Variants in POLQ observed in about 807,000 individuals in gnomAD.
POLQ encodes the protein epididymis secretory sperm binding protein.
In POLQ, 233 loss-of-function variants were observed where a neutral mutation model predicts 259.2. The ratio of observed to expected loss-of-function variants is 0.90; its 90% CI spans 0.81 to 1.00. The LOEUF (loss-of-function observed/expected upper bound fraction) is 1.00, where lower values mean the gene tolerates loss of function less well. Among genes scored for constraint, POLQ ranks in the 50% least tolerant of loss-of-function variants. The pLI is 0.00. For missense variants in POLQ, 2,871 were observed against 3,051.6 expected, an observed-to-expected ratio of 0.94 and a Z score of 1.39; for synonymous variants, 1,025 against 1,048.8, an observed-to-expected ratio of 0.98 and a Z score of 0.44.
chr3:121,513,881 G>T (rs2048274945), intron 9 of POLQ, among the ~76,000 whole-genome samples: 1 of 151,450 alleles, frequency 6.6e-6, no homozygotes, highest in South Asian at 2.1e-4. Flanking sequence ...AATTAGCCAG[G>T]CATGATGGCA....
chr3:121,542,917 G>A (rs1256637013), intron 2 of POLQ, among the ~76,000 whole-genome samples: 2 of 152,024 alleles, frequency 1.3e-5, no homozygotes, highest in African/African-American at 4.8e-5. Flanking sequence ...AACCCGGGAG[G>A]CAGAGGTTGC....
chr3:121,505,058 G>A (rs546996245), intron 12 of POLQ, among the ~76,000 whole-genome samples: 2 of 152,264 alleles, frequency 1.3e-5, no homozygotes, highest in East Asian at 1.9e-4. Context: ...CATGAAGACC[G>A]TTTCTTATGG....
chr3:121,463,350 T>A (rs1248105749), intron 24 of POLQ, among the ~76,000 whole-genome samples: 1 of 152,174 alleles, frequency 6.6e-6, no homozygotes, highest in Non-Finnish European at 1.5e-5. Context: ...TTGTGAGGCC[T>A]CCCCAGCAAT....
At position 121,476,698 on chromosome 3, in the gene POLQ, A is replaced by T. The variant is rs371367254; in HGVS notation, c.6247T>A (p.Cys2083Ser). 1 of 1,606,870 alleles carries T rather than the reference A, an allele frequency of 6.2e-7. No homozygotes were observed. The highest frequency in any genetic ancestry group is 1.7e-4 in the Middle Eastern group (1 of 6,028). ...CCATTTAGTTCTAGCAAGGCCAAGC[A>T]GTACTGAGAGGGCATTTCCACCTTA... ...FRKVEMPSQY[C>S]LALLELNGIG... The change falls in exon 20 of 30, where the codon TGC (cysteine) becomes AGC (serine). Residue 2083 changes from cysteine (C) to serine (S), a missense_variant. Cys to Ser is a moderately radical substitution (Grantham distance 112). Around this residue, in one of 3 missense-constraint regions of POLQ, gnomAD observed 2,080 missense variants for 2,126.0 expected, o/e 0.98. Coordinates refer to ENST00000264233, the MANE Select transcript of POLQ (RefSeq NM_199420.4).
intron 28 of POLQ, among the ~76,000 whole-genome samples, chr3:121,434,430 C>G (rs530395161): frequency 2.6e-4 from 39 of 152,318 alleles, no homozygotes; most frequent in Admixed American, 2.5e-3. Flanking sequence ...TTAAATAGAA[C>G]TTAAATTTAA....
intron 25 of POLQ, among the ~76,000 whole-genome samples, chr3:121,449,839 T>C (rs1335350045): frequency 6.6e-6 from 1 of 152,080 alleles, no homozygotes; most frequent in Non-Finnish European, 1.5e-5. Context: ...ACTTGAAGTG[T>C]AGAAAGAGTA....
Position 121,467,693 on chromosome 3 carries a change from A to C in POLQ, c.6846-53T>G, listed in dbSNP as rs2047850173. 68 of 1,568,898 alleles carry C rather than the reference A, an allele frequency of 4.3e-5. 2 individuals are homozygous for C. The South Asian group carries it at 7.7e-4, about 18-fold the overall frequency. On this transcript the variant is annotated intron_variant, in intron 23 of 29. Transcript: ENST00000264233. The stretch of plus-strand genomic sequence containing the variant: ...GACATGAAGCAGTCTCAAATATATG[A>C]AAAAGGTCTGATTTTCAGTAACATC...
intron 2 of POLQ, among the ~76,000 whole-genome samples, chr3:121,541,682 TA>T (rs768950223): frequency 3.2e-4 from 48 of 152,268 alleles, no homozygotes; most frequent in Non-Finnish European, 6.6e-4. Flanking sequence ...AAAAACAGAG[TA>T]AATAAATCTT....
rs1451246048 is a variant in POLQ, at chr3:121,488,180, GTA to G, written c.4749_4750del (p.Thr1584CysfsTer5). 6.2e-7 allele frequency: 1 copy of G among 1,613,424 alleles called. No individual in the cohort carries two copies. The highest frequency in any genetic ancestry group is 8.5e-7 in the Non-Finnish European group (1 of 1,179,722). On this transcript the variant is annotated frameshift_variant, in exon 16 of 30. Transcript: ENST00000264233. LOFTEE classifies it high-confidence loss of function. ...TTCTAATGCTCTAGGAGATACTACA[GTA>G]TGATTCTTCTCTTGGACAGGAAATA...
At chr3:121,437,639 T>A (rs1214375312) in intron 27 of POLQ, among the ~76,000 whole-genome samples, 1 of 152,230 alleles carries the variant, frequency 6.6e-6, no homozygotes, top group Non-Finnish European at 1.5e-5. Context: ...AATTTGGCTT[T>A]ATCTACTGAA....
intron 9 of POLQ, among the ~76,000 whole-genome samples, chr3:121,519,341 A>G (rs1379620400): frequency 7.0e-6 from 1 of 143,630 alleles, no homozygotes; most frequent in Non-Finnish European, 1.5e-5. Context: ...CAACATTTGT[A>G]GAAAATCAAC....
intron 20 of POLQ, 78 bp downstream of exon 20, chr3:121,476,462 A>T (rs1576410285): frequency 2.1e-6 from 2 of 931,546 alleles, no homozygotes; most frequent in East Asian, 2.9e-5. Flanking sequence ...AAATACACAC[A>T]CACACACACA....
intron 12 of POLQ, among the ~76,000 whole-genome samples, chr3:121,507,663 G>T (rs2048219817): frequency 6.6e-6 from 1 of 152,084 alleles, no homozygotes; most frequent in South Asian, 2.1e-4. Context: ...GGAGGCAGAG[G>T]TTGCAATGAG....
At chr3:121,475,633 G>C (rs1040336476) in intron 20 of POLQ, among the ~76,000 whole-genome samples, 1 of 147,864 alleles carries the variant, frequency 6.8e-6, no homozygotes, top group African/African-American at 2.7e-5. Flanking sequence ...GCATTTTTTT[G>C]GGGGGGTGAA....
intron 4 of POLQ, among the ~76,000 whole-genome samples, chr3:121,537,560 G>C (rs1054678877): frequency 1.1e-4 from 16 of 152,240 alleles, no homozygotes; most frequent in African/African-American, 2.9e-4. Context: ...TTGGTTTTCT[G>C]TTCCTGCATT....
chr3:121,442,537 T>C (rs1291970322), intron 26 of POLQ, among the ~76,000 whole-genome samples: 1 of 152,214 alleles, frequency 6.6e-6, no homozygotes, highest in African/African-American at 2.4e-5. Context: ...ACTGAGAACA[T>C]GTGAAGTTTG....
At chr3:121,511,273 CTGT>C (rs2048253604) in intron 10 of POLQ, among the ~76,000 whole-genome samples, 1 of 150,980 alleles carries the variant, frequency 6.6e-6, no homozygotes, top group Non-Finnish European at 1.5e-5. Flanking sequence ...TGGCAGGCAC[CTGT>C]AGTCCCAGCT....
chr3:121,481,763 C>T lies in POLQ; in HGVS notation c.6020G>A (p.Ser2007Asn), dbSNP rs1159475901. 1.9e-6 allele frequency: 3 copies of T among 1,613,418 alleles called. No individual in the cohort carries two copies. The Admixed American group carries it at 5.0e-5, about 27-fold the overall frequency. ...ATGAGGAAGAAAACTGGTAACTATG[C>T]TATGAAGAGTCGGCTCCTGAGAATC... ...DPDSQEPTLH[S>N]IVTSFLPHEL... The change falls in exon 19 of 30, where the codon AGC (serine) becomes AAC (asparagine). Residue 2007 changes from serine to asparagine, a missense_variant. Ser to Asn is a conservative substitution (Grantham distance 46). Coordinates refer to ENST00000264233, the MANE Select transcript of POLQ (RefSeq NM_199420.4).
At position 121,509,722 on chromosome 3, in the gene POLQ, G is replaced by A. The variant is rs931619793; in HGVS notation, c.1817-19C>T. ...ACCTTTCCTGGTTTAGGGTTAGGGT[G>A]AGGAAACAGAGGAACAAACATTCAA... On this transcript the variant is annotated intron_variant, in intron 11 of 29. Coordinates refer to ENST00000264233, the MANE Select transcript of POLQ (RefSeq NM_199420.4). 6.3e-7 allele frequency: 1 copy of A among 1,588,008 alleles called. No individual in the cohort carries two copies. Among genetic ancestry groups the A allele is most frequent in the Non-Finnish European group, 8.6e-7 (1 of 1,169,028 alleles).
Sources: gnomAD v4.1 joint callset for allele counts (sites outside exome capture counted in the v4.1 genomes callset) on GRCh38, gnomAD v4.1.1 for gene constraint, gnomAD v4.1.1 regional missense constraint, MANE v1.5 for transcripts, NCBI Gene and HGNC (gene_info 2026-07-23, HGNC 2026-07-21) for gene names.